The following GALNTL6 variants were observed in gnomAD, a reference collection of about 807,000 sequenced individuals.
GALNTL6 encodes the protein polypeptide N-acetylgalactosaminyltransferase like 6.
In GALNTL6, 46 loss-of-function variants were observed where a neutral mutation model predicts 73.7. The ratio of observed to expected loss-of-function variants is 0.62; its 90% CI spans 0.49 to 0.80. The LOEUF is 0.80. Among genes scored for constraint, GALNTL6 ranks in the 30% least tolerant of loss-of-function variants. GALNTL6 has a pLI of 0.00. For synonymous variants in GALNTL6, 259 were observed against 263.7 expected (o/e 0.98, Z 0.17); for missense variants, 604 against 755.0 (o/e 0.80, Z 2.34).
chr4:171,944,756 G>A (rs1043334215), intron 2 of GALNTL6, among the ~76,000 whole-genome samples: 1 of 151,520 alleles, frequency 6.6e-6, no homozygotes, highest in Admixed American at 6.6e-5. Context: ...TAATATGTAA[G>A]TTATAACCAG....
In GALNTL6 at chr4:173,040,048, A is replaced by G. The variant is rs1753843127; in HGVS notation, c.1754A>G (p.Glu585Gly). 6.2e-7 allele frequency: 1 copy of G among 1,613,678 alleles called. No individual in the cohort carries two copies. Among genetic ancestry groups the G allele is most frequent in the African/African-American group, 1.3e-5 (1 of 75,044 alleles). Reference sequence around the variant, plus strand: ...TCTGAGACTCAGCAGTGGATTTTTGAACACATTAATATGACTGTTTTAGAA... The same window carrying G: ...TCTGAGACTCAGCAGTGGATTTTTGGACACATTAATATGACTGTTTTAGAA... Reference protein sequence around the residue: ...PLSETQQWIFEHINMTVLEKF... With the variant: ...PLSETQQWIFGHINMTVLEKF... Residue 585 changes from glutamate to glycine, a missense_variant, in exon 13 of 13, where the codon GAA becomes GGA. This residue lies in a region of GALNTL6 where 261 missense variants were observed against 296.5 expected (regional missense o/e 0.88). Coordinates refer to ENST00000506823, the MANE Select transcript of GALNTL6 (RefSeq NM_001034845.3).
intron 5 of GALNTL6, among the ~76,000 whole-genome samples, chr4:172,548,485 C>T (rs575437907): frequency 1.3e-5 from 2 of 151,986 alleles, no homozygotes; most frequent in Non-Finnish European, 2.9e-5. Flanking sequence ...CTAAAGCCCC[C>T]GGTACATGGT....
chr4:172,830,761 A>T (rs1742581474), intron 7 of GALNTL6, among the ~76,000 whole-genome samples: 1 of 152,308 alleles, frequency 6.6e-6, no homozygotes, highest in Middle Eastern at 3.4e-3. Context: ...CCATTGTGTA[A>T]GATGTGGGGA....
chr4:172,370,019 C>T (rs749114093), intron 5 of GALNTL6, among the ~76,000 whole-genome samples: 44 of 152,204 alleles, frequency 2.9e-4, no homozygotes, highest in Non-Finnish European at 4.4e-4. Flanking sequence ...CATGTTGTCA[C>T]CTCTCAATCC....
At chr4:171,824,339 C>T (rs944990264) in intron 2 of GALNTL6, among the ~76,000 whole-genome samples, 1 of 151,946 alleles carries the variant, frequency 6.6e-6, no homozygotes, top group African/African-American at 2.4e-5. Context: ...TAGCTCCAGA[C>T]TCCCTGGTGT....
At chr4:172,142,257 C>T (rs1421928662) in intron 2 of GALNTL6, among the ~76,000 whole-genome samples, 2 of 152,036 alleles carry the variant, frequency 1.3e-5, no homozygotes, top group African/African-American at 4.8e-5. Context: ...AAGCACATAA[C>T]ATCTTTGAGT....
At position 173,040,534 on chromosome 4, in the gene GALNTL6, G is replaced by A. The variant is rs1195213921; in HGVS notation, c.*434G>A. On this transcript the variant is annotated 3_prime_UTR_variant, in exon 13 of 13. Transcript: ENST00000506823. ...GTTTAGAACTAGCCAAGCTTAAGGG[G>A]TGAGCTGTACTCTTTGGTGCCATTC... The A allele has an allele frequency of 1.2e-5, 2 of 162,654 alleles. No homozygotes were observed. The highest frequency in any genetic ancestry group is 4.8e-5 in the African/African-American group (2 of 41,536). 10.1% of individuals were successfully genotyped at this position (162,654 alleles called of 1,614,324 possible).
intron 5 of GALNTL6, among the ~76,000 whole-genome samples, chr4:172,795,312 G>A (rs1045652002): frequency 6.6e-6 from 1 of 152,168 alleles, no homozygotes; most frequent in African/African-American, 2.4e-5. Flanking sequence ...TTGTGTGGGT[G>A]CAGGGATAAC....
intron 2 of GALNTL6, among the ~76,000 whole-genome samples, chr4:172,207,059 C>T (rs1293178410): frequency 2.7e-4 from 41 of 151,552 alleles, no homozygotes; most frequent in Admixed American, 1.7e-3. Flanking sequence ...CCTCGTGATC[C>T]GCCCCCCTTG....
chr4:172,460,598 C>A (rs987679927), intron 5 of GALNTL6, among the ~76,000 whole-genome samples: 1 of 152,136 alleles, frequency 6.6e-6, no homozygotes, highest in Non-Finnish European at 1.5e-5. Flanking sequence ...TTTATGCAGC[C>A]AACAAACATA....
intron 2 of GALNTL6, among the ~76,000 whole-genome samples, chr4:172,208,143 G>C (rs1372489465): frequency 6.6e-6 from 1 of 152,178 alleles, no homozygotes; most frequent in East Asian, 1.9e-4. Context: ...TACAAAGTGA[G>C]ACCTGTGACC....
At chr4:172,226,534 A>T (rs1452987557) in intron 2 of GALNTL6, among the ~76,000 whole-genome samples, 2 of 150,330 alleles carry the variant, frequency 1.3e-5, no homozygotes, top group Admixed American at 6.6e-5. Context: ...TCATTTCAAT[A>T]TTTTTTTTAA....
intron 5 of GALNTL6, among the ~76,000 whole-genome samples, chr4:172,611,819 C>T (rs1377049809): frequency 6.6e-6 from 1 of 151,996 alleles, no homozygotes; most frequent in Non-Finnish European, 1.5e-5. Flanking sequence ...GGGTATATAT[C>T]AAGAAGATGG....
chr4:172,459,427 T>A (rs1732529695), intron 5 of GALNTL6, among the ~76,000 whole-genome samples: 1 of 152,140 alleles, frequency 6.6e-6, no homozygotes, highest in Non-Finnish European at 1.5e-5. Context: ...TCAAATTGCC[T>A]CTGTATGCAG....
intron 2 of GALNTL6, among the ~76,000 whole-genome samples, chr4:172,019,783 C>T (rs1226164329): frequency 1.3e-5 from 2 of 152,028 alleles, no homozygotes; most frequent in Non-Finnish European, 2.9e-5. Context: ...TCAACAACAA[C>T]AAAAATCGGA....
At chr4:172,372,120 A>C (rs1429812366) in intron 5 of GALNTL6, among the ~76,000 whole-genome samples, 1 of 152,220 alleles carries the variant, frequency 6.6e-6, no homozygotes, top group Non-Finnish European at 1.5e-5. Context: ...TAACTATGGC[A>C]TAACCTACCC....
At chr4:172,206,805 G>GTTTGTTGTTTT (rs1554003003) in intron 2 of GALNTL6, among the ~76,000 whole-genome samples, 21 of 26,126 alleles carry the variant, frequency 8.0e-4, no homozygotes, top group African/African-American at 1.9e-3. Context: ...TTGTTTTTCT[G>GTTTGTTGTTTT]TTTTTTTTGT....
chr4:172,069,439 T>TATATGTTATATATAACACACATATAAC (rs1560909265), intron 2 of GALNTL6, among the ~76,000 whole-genome samples: 6 of 80,668 alleles, frequency 7.4e-5, no homozygotes, highest in Admixed American at 6.8e-4. Flanking sequence ...ACATATAACA[T>TATATGTTATATATAACACACATATAAC]ATATATGTAA....
intron 10 of GALNTL6, among the ~76,000 whole-genome samples, chr4:172,964,142 T>C (rs1391344876): frequency 6.6e-6 from 1 of 152,190 alleles, no homozygotes; most frequent in Non-Finnish European, 1.5e-5. Flanking sequence ...AGAACAGGTT[T>C]AAAGTGGAAA....
Sources: allele counts gnomAD v4.1 joint callset (sites outside exome capture counted in the v4.1 genomes callset), GRCh38; gene constraint gnomAD v4.1.1; regional missense constraint gnomAD v4.1.1; transcripts MANE v1.5; gene names NCBI Gene and HGNC (gene_info 2026-07-23, HGNC 2026-07-21).